Variants in CELF2 observed in about 807,000 individuals in gnomAD.
The protein encoded by CELF2 is CUG triplet repeat RNA-binding protein 2.
A neutral mutation model predicts 62.6 loss-of-function variants in CELF2; 8 were observed. The ratio of observed to expected loss-of-function variants is 0.13; its 90% CI spans 0.07 to 0.23. The LOEUF (loss-of-function observed/expected upper bound fraction) is 0.23. Ranked by LOEUF, CELF2 falls within the 10% of genes least tolerant of loss-of-function variation. The pLI, the probability that CELF2 is intolerant of heterozygous loss-of-function variation, is 1.00. For synonymous variants in CELF2, 258 were observed against 250.0 expected, an observed-to-expected ratio of 1.03 and a Z score of -0.30; for missense variants, 333 against 671.0, an observed-to-expected ratio of 0.50 and a Z score of 5.56.
At chr10:10,589,644 C>G in the CELF2 span, among the ~76,000 whole-genome samples, 52 of 152,294 alleles carry the variant, frequency 3.4e-4, no homozygotes, top group African/African-American at 1.3e-3. Flanking sequence ...TTTCAGTCCA[C>G]CAGGTGAGTG....
At chr10:11,031,057 C>G (rs1347595016) in intron 1 of CELF2, among the ~76,000 whole-genome samples, 1 of 152,120 alleles carries the variant, frequency 6.6e-6, no homozygotes, top group Non-Finnish European at 1.5e-5. Context: ...GGCATTTTCC[C>G]CCATTAACTT....
intron 1 of CELF2, among the ~76,000 whole-genome samples, chr10:11,078,168 ACATT>A (rs2072697043): frequency 1.8e-5 from 2 of 111,258 alleles, no homozygotes; most frequent in Non-Finnish European, 3.6e-5. Context: ...CTTCTTTAAG[ACATT>A]CAGTCTATTT....
chr10:10,479,416 C>T, the CELF2 span, among the ~76,000 whole-genome samples: 2 of 152,288 alleles, frequency 1.3e-5, no homozygotes, highest in African/African-American at 4.8e-5. Flanking sequence ...ATCCACCTAC[C>T]TCGACCTCCC....
At chr10:10,942,405 G>A (rs2047152402) in intron 2 of CELF2, among the ~76,000 whole-genome samples, 1 of 152,130 alleles carries the variant, frequency 6.6e-6, no homozygotes. Context: ...TGTAGTTGTT[G>A]GAAGGATTCC....
intron 2 of CELF2, among the ~76,000 whole-genome samples, chr10:10,926,501 G>A (rs779027827): frequency 1.3e-5 from 2 of 152,192 alleles, no homozygotes; most frequent in Non-Finnish European, 2.9e-5. Flanking sequence ...TACTCAGTCT[G>A]TGTGATTCTG....
rs536039959 is a variant in CELF2, at chr10:11,267,997, A to T, written c.618+1320A>T. Among the ~76,000 whole-genome samples the T allele has an allele frequency of 2.3e-4, 35 of 152,244 alleles. No homozygotes were observed. The highest frequency in any genetic ancestry group is 8.4e-4 in the African/African-American group (35 of 41,542). On this transcript the variant is annotated intron_variant, in intron 6 of 12. Transcript: ENST00000633077. This position sits in a 1 kb window ranked among gnomAD's most constrained non-coding sequence, Gnocchi z 4.4. ...ATTTTTAAGACACTCACAACCCCCTACCTGAAGGCAAGCTCAGGTGAAAAT... is the reference window on the plus strand; with the variant it reads ...ATTTTTAAGACACTCACAACCCCCTTCCTGAAGGCAAGCTCAGGTGAAAAT...
intron 1 of CELF2, among the ~76,000 whole-genome samples, chr10:11,161,080 C>T (rs535780192): frequency 7.2e-5 from 11 of 152,322 alleles, no homozygotes; most frequent in Admixed American, 7.2e-4. Flanking sequence ...GAAGATTTTG[C>T]ATATACTCTG....
chr10:11,303,246 G>A (rs375394547), intron 9 of CELF2, among the ~76,000 whole-genome samples: 12 of 151,916 alleles, frequency 7.9e-5, no homozygotes, highest in African/African-American at 2.9e-4. Context: ...GCCTCTCTAG[G>A]CTCAATTTTA....
chr10:10,943,599 T>TTTTGTTTG (rs201482435), intron 2 of CELF2, among the ~76,000 whole-genome samples: 1 of 152,032 alleles, frequency 6.6e-6, no homozygotes, highest in African/African-American at 2.4e-5. Flanking sequence ...CTTTTCTGTT[T>TTTTGTTTG]TTTGTTTGTT....
intron 1 of CELF2, among the ~76,000 whole-genome samples, chr10:10,913,994 A>C (rs1051187657): frequency 2.0e-5 from 3 of 148,988 alleles, no homozygotes; most frequent in Non-Finnish European, 3.0e-5. Flanking sequence ...AGGGGAAGAG[A>C]GGGGAGGGGA....
At chr10:10,966,853 G>A (rs2050174678) in intron 2 of CELF2, 1 of 152,144 alleles carries the variant, frequency 6.6e-6, no homozygotes, top group Non-Finnish European at 1.5e-5. Flanking sequence ...GGTGAAGAAA[G>A]CAATCATTAC....
chr10:10,994,365 T>A (rs2053733793), intron 2 of CELF2, among the ~76,000 whole-genome samples: 1 of 152,190 alleles, frequency 6.6e-6, no homozygotes, highest in Non-Finnish European at 1.5e-5. Context: ...CAGAGAGGAT[T>A]CTCATTTACT....
intron 1 of CELF2, among the ~76,000 whole-genome samples, chr10:11,130,811 C>G (rs1286749614): frequency 6.6e-6 from 1 of 152,172 alleles, no homozygotes; most frequent in East Asian, 1.9e-4. Flanking sequence ...TTTTTCTGCT[C>G]CACTTTTCAT....
the CELF2 span, among the ~76,000 whole-genome samples, chr10:10,553,997 C>T: frequency 6.6e-6 from 1 of 151,824 alleles, no homozygotes; most frequent in Non-Finnish European, 1.5e-5. Flanking sequence ...TTGTCTTGGC[C>T]CTGGGGTGAA....
chr10:11,088,086 TG>T (rs1379878595), intron 1 of CELF2, among the ~76,000 whole-genome samples: 5 of 152,182 alleles, frequency 3.3e-5, no homozygotes, highest in Non-Finnish European at 7.4e-5. Context: ...ATGAACGTTG[TG>T]CTTCAGTAGA....
In CELF2 at chr10:11,334,981, C is replaced by T. The variant is rs2096092499; in HGVS notation, c.*5928C>T. Reference sequence around the variant, plus strand: ...ATCCAGGAGCAGCTTTAATTATTAACACTAACGGAAGAGAAAAGAAGTATT... The same window carrying T: ...ATCCAGGAGCAGCTTTAATTATTAATACTAACGGAAGAGAAAAGAAGTATT... On this transcript the variant is annotated 3_prime_UTR_variant, in exon 13 of 13. Transcript: ENST00000633077. The T allele has an allele frequency of 6.6e-6, 1 of 152,212 alleles. No individual in the cohort carries two copies. Among genetic ancestry groups the T allele is most frequent in the African/African-American group, 2.4e-5 (1 of 41,442 alleles). The allele number at this position is 152,212 out of a possible 1,614,324, so 9.4% of individuals were successfully genotyped here.
the CELF2 span, among the ~76,000 whole-genome samples, chr10:10,522,660 T>C: frequency 0.14 from 21,354 of 152,042 alleles, 1,727 homozygotes; most frequent in East Asian, 0.23. Context: ...ACCTCTGCCT[T>C]CTGGGTTCAA....
At chr10:11,123,888 G>A (rs1272586398) in intron 1 of CELF2, among the ~76,000 whole-genome samples, 1 of 152,100 alleles carries the variant, frequency 6.6e-6, no homozygotes. Context: ...GTATTGGTCA[G>A]TTCTCATGCT....
At chr10:11,129,993 T>C (rs1003478036) in intron 1 of CELF2, among the ~76,000 whole-genome samples, 1 of 152,254 alleles carries the variant, frequency 6.6e-6, no homozygotes. Context: ...CTTTCCTGCT[T>C]TCTCTTGTGG....
Sources: allele counts gnomAD v4.1 joint callset (sites outside exome capture counted in the v4.1 genomes callset), GRCh38; gene constraint gnomAD v4.1.1; non-coding constraint Gnocchi (gnomAD v3.1); transcripts MANE v1.5; gene names NCBI Gene and HGNC (gene_info 2026-07-23, HGNC 2026-07-21).